Variants in WWC2 observed in about 807,000 individuals in gnomAD.
WWC2 encodes the protein protein WWC2.
In WWC2, 101 loss-of-function variants were observed where a neutral mutation model predicts 138.5. The ratio of observed to expected loss-of-function variants is 0.73; its 90% CI spans 0.62 to 0.86. The LOEUF is 0.86. Ranked by LOEUF, WWC2 falls within the 40% of genes least tolerant of loss-of-function variation. WWC2 has a pLI of 0.00. For synonymous variants in WWC2, 558 were observed against 538.4 expected, an observed-to-expected ratio of 1.04 and a Z score of -0.50; for missense variants, 1,420 against 1,419.4, an observed-to-expected ratio of 1.00 and a Z score of -0.01.
chr4:183,159,003 G>A (rs925970413), intron 1 of WWC2, among the ~76,000 whole-genome samples: 10 of 152,156 alleles, frequency 6.6e-5, no homozygotes, highest in Non-Finnish European at 1.2e-4. Flanking sequence ...GTGCCTGTGT[G>A]TGTTTTGTAT....
intron 1 of WWC2, among the ~76,000 whole-genome samples, chr4:183,123,343 A>G (rs932959210): frequency 6.6e-6 from 1 of 152,170 alleles, no homozygotes; most frequent in African/African-American, 2.4e-5. Context: ...GAATCTTCCT[A>G]CAAATACCAA....
intron 1 of WWC2, among the ~76,000 whole-genome samples, chr4:183,101,370 A>G (rs1743175331): frequency 6.6e-6 from 1 of 152,194 alleles, no homozygotes; most frequent in Non-Finnish European, 1.5e-5. Flanking sequence ...TTAAACTCTT[A>G]ATGGATTAGT....
intron 1 of WWC2, among the ~76,000 whole-genome samples, chr4:183,119,138 T>C (rs140186753): frequency 6.6e-6 from 1 of 152,310 alleles, no homozygotes; most frequent in East Asian, 1.9e-4. Flanking sequence ...AGTGTTTACC[T>C]AAATTAGTGG....
chr4:183,174,644 T>C (rs1734404097), intron 1 of WWC2, among the ~76,000 whole-genome samples: 1 of 152,166 alleles, frequency 6.6e-6, no homozygotes, highest in African/African-American at 2.4e-5. Context: ...AATTTTATCC[T>C]CCCAACTTTT....
intron 1 of WWC2, among the ~76,000 whole-genome samples, chr4:183,160,667 T>C (rs938637241): frequency 4.6e-5 from 7 of 152,140 alleles, no homozygotes; most frequent in Admixed American, 1.3e-4. Flanking sequence ...AGTTGCCACA[T>C]TGAAAGAAAA....
chr4:183,104,728 C>T (rs2152886107), intron 1 of WWC2, among the ~76,000 whole-genome samples: 1 of 152,110 alleles, frequency 6.6e-6, no homozygotes, highest in East Asian at 1.9e-4. Flanking sequence ...CCAAAAATTC[C>T]AAAAGAAATA....
intron 1 of WWC2, among the ~76,000 whole-genome samples, chr4:183,137,077 A>G (rs1201764516): frequency 6.6e-6 from 1 of 152,208 alleles, no homozygotes; most frequent in African/African-American, 2.4e-5. Context: ...CAGGACTTCC[A>G]GGAAGTTGCA....
chr4:183,311,366 A>C (rs1473136373), intron 21 of WWC2, among the ~76,000 whole-genome samples: 2 of 152,192 alleles, frequency 1.3e-5, no homozygotes, highest in African/African-American at 4.8e-5. Flanking sequence ...TCTCGTGAGC[A>C]TAATGTTGAG....
In WWC2 at chr4:183,265,014, A is replaced by G; in HGVS notation, c.1946A>G (p.His649Arg). ...EKSLPKRRVI[H>R]LLGEKTTCVS... ...TCATTACCAAAAAGAAGAGTGATCC[A>G]CTTGCTTGGGGAGAAAACCACTTGT... The change falls in exon 12 of 23, where the codon CAC (histidine) becomes CGC (arginine). Residue 649 changes from histidine to arginine, a missense_variant. Coordinates refer to ENST00000403733, the MANE Select transcript of WWC2 (RefSeq NM_024949.6). The G allele has an allele frequency of 1.2e-6, 2 of 1,613,346 alleles. No individual in the cohort carries two copies. Among genetic ancestry groups the G allele is most frequent in the Non-Finnish European group, 1.7e-6 (2 of 1,179,520 alleles).
At chr4:183,299,587 T>C (rs1460680763) in intron 21 of WWC2, among the ~76,000 whole-genome samples, 2 of 152,188 alleles carry the variant, frequency 1.3e-5, no homozygotes, top group Non-Finnish European at 2.9e-5. Flanking sequence ...AACTTTCCAT[T>C]GTGTGCCTTT....
At chr4:183,110,500 A>G (rs1732198882) in intron 1 of WWC2, among the ~76,000 whole-genome samples, 1 of 150,740 alleles carries the variant, frequency 6.6e-6, no homozygotes, top group Admixed American at 6.6e-5. Context: ...GTCAGTAAAC[A>G]AATCATGGTT....
At chr4:183,126,716 A>G (rs1406187020) in intron 1 of WWC2, among the ~76,000 whole-genome samples, 1 of 152,056 alleles carries the variant, frequency 6.6e-6, no homozygotes, top group Non-Finnish European at 1.5e-5. Flanking sequence ...CTATGTATGC[A>G]CACACACTGG....
intron 2 of WWC2, among the ~76,000 whole-genome samples, chr4:183,194,335 AT>A: frequency 6.6e-6 from 1 of 152,232 alleles, no homozygotes; most frequent in Admixed American, 6.5e-5. Context: ...ACTTTGAAAT[AT>A]TTTTTATATA....
intron 1 of WWC2, among the ~76,000 whole-genome samples, chr4:183,122,110 A>G (rs1401385305): frequency 6.6e-6 from 1 of 152,072 alleles, no homozygotes; most frequent in Admixed American, 6.6e-5. Context: ...TCTGTGAACT[A>G]GATTTCATAT....
At chr4:183,261,592 G>T in intron 11 of WWC2, 60 bp downstream of exon 11, 1 of 1,495,828 alleles carries the variant, frequency 6.7e-7, no homozygotes, top group South Asian at 1.4e-5. Flanking sequence ...AGAATGATTG[G>T]AGCATTATTT....
intron 21 of WWC2, 112 bp from the exon 22 acceptor site, chr4:183,312,229 C>G (rs1579079710): frequency 3.4e-6 from 5 of 1,459,806 alleles, no homozygotes; most frequent in African/African-American, 1.4e-5. Flanking sequence ...CCACTGGCTG[C>G]CTTGCTTGCC....
chr4:183,100,313 T>TG (rs1436519009), intron 1 of WWC2, among the ~76,000 whole-genome samples: 1 of 152,236 alleles, frequency 6.6e-6, no homozygotes, highest in Non-Finnish European at 1.5e-5. Context: ...AAATTAACGT[T>TG]GGGTATTGAG....
chr4:183,118,784 T>C (rs1054256495), intron 1 of WWC2, among the ~76,000 whole-genome samples: 1 of 152,182 alleles, frequency 6.6e-6, no homozygotes, highest in South Asian at 2.1e-4. Flanking sequence ...AAAGACATTA[T>C]GGGGCTGCAG....
intron 1 of WWC2, among the ~76,000 whole-genome samples, chr4:183,131,128 T>G (rs1303915979): frequency 6.6e-6 from 1 of 152,190 alleles, no homozygotes; most frequent in African/African-American, 2.4e-5. Context: ...TGAAGAAAAG[T>G]TACTCTTTTT....
Sources: gnomAD v4.1 joint callset for allele counts (sites outside exome capture counted in the v4.1 genomes callset) on GRCh38, gnomAD v4.1.1 for gene constraint, MANE v1.5 for transcripts, NCBI Gene and HGNC (gene_info 2026-07-23, HGNC 2026-07-21) for gene names.